KCNJ3: variants seen among roughly 807,000 people sequenced by gnomAD.
KCNJ3 encodes G protein-activated inward rectifier potassium channel 1.
In KCNJ3, 4 loss-of-function variants were observed where a neutral mutation model predicts 39.2. The ratio of observed to expected loss-of-function variants is 0.10; its 90% CI spans 0.05 to 0.23. The LOEUF is 0.23. KCNJ3 is among the 10% of genes least tolerant of loss of function. KCNJ3 has a pLI of 1.00. For synonymous variants in KCNJ3, 230 were observed against 237.4 expected (o/e 0.97, Z 0.29); for missense variants, 276 against 634.9 (o/e 0.43, Z 6.08).
At chr2:154,799,165 T>C (rs1299536093) in intron 2 of KCNJ3, among the ~76,000 whole-genome samples, 1 of 152,196 alleles carries the variant, frequency 6.6e-6, no homozygotes, top group Non-Finnish European at 1.5e-5. Context: ...AGAGTCTTGC[T>C]CTGTGGCCCA....
At chr2:154,770,593 A>G (rs1031159411) in intron 2 of KCNJ3, among the ~76,000 whole-genome samples, 1 of 152,084 alleles carries the variant, frequency 6.6e-6, no homozygotes, top group Non-Finnish European at 1.5e-5. Context: ...CATTTATTAC[A>G]CTGCTGATTC....
chr2:154,713,619 C>G (rs548328794), intron 2 of KCNJ3, among the ~76,000 whole-genome samples: 5 of 152,322 alleles, frequency 3.3e-5, no homozygotes, highest in African/African-American at 7.2e-5. Flanking sequence ...TTGTTGCCCT[C>G]CTTGCTTCAA....
chr2:154,844,497 C>T (rs911418849), intron 2 of KCNJ3, among the ~76,000 whole-genome samples: 2 of 152,192 alleles, frequency 1.3e-5, no homozygotes, highest in Non-Finnish European at 2.9e-5. Context: ...CAGACAGGGA[C>T]GTTTAAATCT....
intron 2 of KCNJ3, among the ~76,000 whole-genome samples, chr2:154,794,629 C>T (rs772898962): frequency 1.3e-5 from 2 of 152,038 alleles, no homozygotes; most frequent in East Asian, 1.9e-4. Flanking sequence ...AGAAGATTAA[C>T]TTGCCAAATG....
intron 2 of KCNJ3, 87 bp from the exon 3 acceptor site, chr2:154,854,640 A>G (rs1186808557): frequency 7.6e-6 from 7 of 923,346 alleles, no homozygotes; most frequent in Admixed American, 2.4e-5. Context: ...CCTAGATAAG[A>G]AAGTGAAATG....
intron 2 of KCNJ3, among the ~76,000 whole-genome samples, chr2:154,716,432 T>G (rs1327221934): frequency 6.6e-6 from 1 of 151,898 alleles, no homozygotes; most frequent in Non-Finnish European, 1.5e-5. Flanking sequence ...GCCCATTATT[T>G]TTTTTCTTTG....
chr2:154,843,909 G>A (rs1687621006), intron 2 of KCNJ3, among the ~76,000 whole-genome samples: 2 of 152,134 alleles, frequency 1.3e-5, no homozygotes, highest in African/African-American at 4.8e-5. Flanking sequence ...GCTCAGAGAA[G>A]TTTGTTATTA....
intron 2 of KCNJ3, among the ~76,000 whole-genome samples, chr2:154,833,778 G>GAAAT (rs1285755610): frequency 6.6e-6 from 1 of 152,076 alleles, no homozygotes; most frequent in African/African-American, 2.4e-5. Context: ...TTATATAGTT[G>GAAAT]AAATAATACA....
intron 2 of KCNJ3, among the ~76,000 whole-genome samples, chr2:154,843,730 G>T (rs879755975): frequency 1.3e-5 from 2 of 151,904 alleles, no homozygotes; most frequent in Non-Finnish European, 2.9e-5. Context: ...TGATCAAATC[G>T]GCTACTGAAG....
intron 2 of KCNJ3, among the ~76,000 whole-genome samples, chr2:154,743,827 T>C (rs1392007671): frequency 2.0e-5 from 3 of 151,638 alleles, no homozygotes; most frequent in Admixed American, 2.0e-4. Flanking sequence ...TTTTTGTTTT[T>C]GTTTTTTTTC....
At chr2:154,750,237 ATAAT>A (rs936812520) in intron 2 of KCNJ3, among the ~76,000 whole-genome samples, 19 of 152,036 alleles carry the variant, frequency 1.2e-4, no homozygotes, top group African/African-American at 4.3e-4. Context: ...TTATACAGCT[ATAAT>A]TAATTAAGTG....
chr2:154,747,679 A>C (rs893008910), intron 2 of KCNJ3, among the ~76,000 whole-genome samples: 1 of 152,062 alleles, frequency 6.6e-6, no homozygotes, highest in Non-Finnish European at 1.5e-5. Context: ...AATTTGAAAA[A>C]GACAAATAGC....
chr2:154,794,112 AT>A (rs1181165318), intron 2 of KCNJ3, among the ~76,000 whole-genome samples: 1 of 151,924 alleles, frequency 6.6e-6, no homozygotes, highest in Non-Finnish European at 1.5e-5. Context: ...AAAGAATCAG[AT>A]TAATATATTC....
chr2:154,818,969 T>C (rs1313169537), intron 2 of KCNJ3, among the ~76,000 whole-genome samples: 1 of 133,310 alleles, frequency 7.5e-6, no homozygotes, highest in African/African-American at 2.8e-5. Flanking sequence ...TGTGAAATTC[T>C]ACTGCAGGCC....
At chr2:154,823,752 T>C (rs1422342413) in intron 2 of KCNJ3, among the ~76,000 whole-genome samples, 3 of 152,230 alleles carry the variant, frequency 2.0e-5, no homozygotes, top group Non-Finnish European at 2.9e-5. Context: ...TTTATACATA[T>C]ACATCTTAGT....
intron 2 of KCNJ3, among the ~76,000 whole-genome samples, chr2:154,741,041 G>A (rs1419566717): frequency 6.6e-6 from 1 of 151,908 alleles, no homozygotes; most frequent in Non-Finnish European, 1.5e-5. Context: ...ATCACTCTAT[G>A]TATAGTTTCT....
chr2:154,845,107 C>CTATT (rs1687643885), intron 2 of KCNJ3, among the ~76,000 whole-genome samples: 3 of 152,180 alleles, frequency 2.0e-5, no homozygotes, highest in African/African-American at 7.2e-5. Flanking sequence ...GAAATTTATT[C>CTATT]TATTTTTCTT....
intron 2 of KCNJ3, among the ~76,000 whole-genome samples, chr2:154,718,780 G>A (rs1036946629): frequency 3.3e-5 from 5 of 152,086 alleles, no homozygotes; most frequent in African/African-American, 1.2e-4. Flanking sequence ...TAACATCTTA[G>A]AGTGGACATT....
chr2:154,728,304 T>G (rs943804939), intron 2 of KCNJ3, among the ~76,000 whole-genome samples: 1 of 152,226 alleles, frequency 6.6e-6, no homozygotes, highest in African/African-American at 2.4e-5. Context: ...GTCTTAATTT[T>G]ATCTACTTGC....
Sources: gnomAD v4.1 joint callset for allele counts (sites outside exome capture counted in the v4.1 genomes callset) on GRCh38, gnomAD v4.1.1 for gene constraint, MANE v1.5 for transcripts, NCBI Gene and HGNC (gene_info 2026-07-23, HGNC 2026-07-21) for gene names.